EYA1: variants seen among roughly 807,000 people sequenced by gnomAD.
EYA1 encodes the protein EYA transcriptional coactivator and phosphatase 1.
In EYA1, 16 loss-of-function variants were observed where a neutral mutation model predicts 82.0. The observed-to-expected ratio is 0.20, with a 90% confidence interval of 0.13 to 0.30. The LOEUF is 0.30. EYA1 is among the 10% of genes least tolerant of loss of function. The pLI, the probability that EYA1 is intolerant of heterozygous loss-of-function variation, is 1.00. For missense variants in EYA1, 633 were observed against 730.7 expected, an observed-to-expected ratio of 0.87 and a Z score of 1.54; for synonymous variants, 261 against 264.4, an observed-to-expected ratio of 0.99 and a Z score of 0.12.
chr8:71,395,740 G>C (rs1256566812), intron 2 of EYA1, among the ~76,000 whole-genome samples: 1 of 152,128 alleles, frequency 6.6e-6, no homozygotes, highest in African/African-American at 2.4e-5. Context: ...AGGGATATTG[G>C]TGTAAAATTC....
chr8:71,450,676 C>A (rs1807290528), intron 2 of EYA1, among the ~76,000 whole-genome samples: 1 of 152,102 alleles, frequency 6.6e-6, no homozygotes. Flanking sequence ...GGCAGGCTTG[C>A]CACAAACCTT....
chr8:71,546,311 G>T (rs1247283234), intron 1 of EYA1, among the ~76,000 whole-genome samples: 3 of 152,064 alleles, frequency 2.0e-5, no homozygotes, highest in African/African-American at 4.8e-5. Context: ...AAAATGTCTG[G>T]TACAATGCAC....
At chr8:71,307,850 CCCT>C (rs1165235591) in intron 7 of EYA1, among the ~76,000 whole-genome samples, 1 of 152,178 alleles carries the variant, frequency 6.6e-6, no homozygotes, top group Non-Finnish European at 1.5e-5. Flanking sequence ...CCAGGTTCTG[CCCT>C]CCTAAGAAGG....
intron 11 of EYA1, among the ~76,000 whole-genome samples, chr8:71,256,488 G>A (rs918547624): frequency 1.3e-5 from 2 of 152,218 alleles, no homozygotes; most frequent in Admixed American, 1.3e-4. Flanking sequence ...ACTTATATGA[G>A]GGTACCTGCA....
chr8:71,283,099 C>T (rs573455114), intron 9 of EYA1, among the ~76,000 whole-genome samples: 7 of 151,278 alleles, frequency 4.6e-5, no homozygotes, highest in African/African-American at 1.7e-4. Context: ...CCTTCTACTA[C>T]AGCTTCTCTT....
intron 9 of EYA1, among the ~76,000 whole-genome samples, chr8:71,279,943 C>T (rs1488941181): frequency 6.6e-6 from 1 of 152,196 alleles, no homozygotes; most frequent in Non-Finnish European, 1.5e-5. Context: ...CTTTCTGGGC[C>T]ACACGGTCTC....
chr8:71,266,173 T>G (rs1294884263), intron 11 of EYA1, among the ~76,000 whole-genome samples: 2 of 152,206 alleles, frequency 1.3e-5, no homozygotes, highest in African/African-American at 4.8e-5. Flanking sequence ...AGCGATCACA[T>G]TGTCAGGCAT....
upstream of EYA1, among the ~76,000 whole-genome samples, chr8:71,366,860 G>A (rs923032833): frequency 2.6e-5 from 4 of 151,968 alleles, no homozygotes; most frequent in Middle Eastern, 3.2e-3. Flanking sequence ...TCATTTTGAC[G>A]CAAGGTGATA....
At chr8:71,274,928 G>GAGCGAGAGCACAAGAGCA (rs57341151) in intron 9 of EYA1, among the ~76,000 whole-genome samples, 1 of 151,772 alleles carries the variant, frequency 6.6e-6, no homozygotes, top group Non-Finnish European at 1.5e-5. Flanking sequence ...GAGAGAATGA[G>GAGCGAGAGCACAAGAGCA]AGCGAGTGAA....
intron 2 of EYA1, among the ~76,000 whole-genome samples, chr8:71,401,739 T>G (rs1461047745): frequency 6.6e-6 from 1 of 152,216 alleles, no homozygotes; most frequent in Non-Finnish European, 1.5e-5. Flanking sequence ...TAAAAGGGCT[T>G]AGAAGCTCCG....
intron 2 of EYA1, among the ~76,000 whole-genome samples, chr8:71,517,340 TATC>T (rs945017402): frequency 6.6e-6 from 1 of 151,994 alleles, no homozygotes; most frequent in Non-Finnish European, 1.5e-5. Flanking sequence ...CAGTTAAACA[TATC>T]ATGATGAATT....
chr8:71,360,270 T>C (rs1264832080), intron 1 of EYA1, among the ~76,000 whole-genome samples: 2 of 152,346 alleles, frequency 1.3e-5, no homozygotes, highest in East Asian at 1.9e-4. Context: ...CTTTAAAGGA[T>C]TGTTTTCAAT....
chr8:71,546,039 T>A (rs1190899639), intron 1 of EYA1, among the ~76,000 whole-genome samples: 7 of 152,138 alleles, frequency 4.6e-5, no homozygotes, highest in Non-Finnish European at 8.8e-5. Flanking sequence ...TCCCAGCACA[T>A]CAGTGTCTAC....
In EYA1 at chr8:71,225,770, AG is replaced by A. The variant is rs144479594; in HGVS notation, c.1141-8748del. Among the ~76,000 whole-genome samples, 468 of 152,376 alleles carry A rather than the reference AG, an allele frequency of 3.1e-3. 2 individuals carry two copies. The highest frequency in any genetic ancestry group is 0.01 in the African/African-American group (436 of 41,590). On this transcript the variant is annotated intron_variant, in intron 12 of 17. Coordinates refer to ENST00000340726, the MANE Select transcript of EYA1 (RefSeq NM_000503.6). ...AGGAATTTCAGCATCTATTTTCGAG[AG>A]GTGGCAATAAGATGCAACTTGTGGA... is the stretch of plus-strand genomic sequence containing the variant.
intron 2 of EYA1, among the ~76,000 whole-genome samples, chr8:71,493,321 C>T (rs1419968695): frequency 6.6e-6 from 1 of 152,180 alleles, no homozygotes; most frequent in East Asian, 1.9e-4. Flanking sequence ...TTATCTTGTT[C>T]TTTCTTCCAC....
At chr8:71,366,872 C>G (rs570919944), upstream of EYA1, among the ~76,000 whole-genome samples, 15 of 152,080 alleles carry the variant, frequency 9.9e-5, no homozygotes, top group Admixed American at 9.8e-4. Context: ...AAGGTGATAG[C>G]CCATAAAGTT....
At chr8:71,325,830 CTGTG>C (rs1823089247) in intron 4 of EYA1, among the ~76,000 whole-genome samples, 1 of 152,166 alleles carries the variant, frequency 6.6e-6, no homozygotes, top group Non-Finnish European at 1.5e-5. Flanking sequence ...CGCACAATCT[CTGTG>C]TGGCCTGTAG....
intron 2 of EYA1, among the ~76,000 whole-genome samples, chr8:71,408,289 C>T (rs1368466413): frequency 4.6e-5 from 7 of 151,984 alleles, no homozygotes; most frequent in African/African-American, 7.3e-5. Context: ...TAAAGGCCAT[C>T]GAGACTAGGA....
chr8:71,277,855 T>A, intron 9 of EYA1, among the ~76,000 whole-genome samples: 1 of 152,218 alleles, frequency 6.6e-6, no homozygotes. Flanking sequence ...AAAATATTTA[T>A]AAATGAGAAA....
Sources: gnomAD v4.1 joint callset for allele counts (sites outside exome capture counted in the v4.1 genomes callset) on GRCh38, gnomAD v4.1.1 for gene constraint, MANE v1.5 for transcripts, NCBI Gene and HGNC (gene_info 2026-07-23, HGNC 2026-07-21) for gene names.